The following CNGB3 variants were observed in gnomAD, a reference collection of about 807,000 sequenced individuals.
CNGB3 encodes cyclic nucleotide-gated channel beta-3.
In CNGB3, 86 loss-of-function variants were observed where a neutral mutation model predicts 92.8. That is an observed-to-expected ratio of 0.93 (90% confidence interval 0.78 to 1.11). The LOEUF (loss-of-function observed/expected upper bound fraction) is 1.11, where lower values mean the gene tolerates loss of function less well. CNGB3 is among the 50% of genes least tolerant of loss of function. The pLI, the probability that CNGB3 is intolerant of heterozygous loss-of-function variation, is 0.00. For synonymous variants in CNGB3, 333 were observed against 332.7 expected (o/e 1.00, Z -0.01); for missense variants, 1,026 against 956.8 (o/e 1.07, Z -0.95).
rs969393259 is a variant in CNGB3 at position 86,574,576 on chromosome 8, T to C, written c.*1228A>G. ...AAATGCATCTATGTTGTAGGCTTTT[T>C]GGCTAATATGATTTGTTAAAACCCT... On this transcript the variant is annotated 3_prime_UTR_variant, in exon 18 of 18. Transcript: ENST00000320005. 6.6e-6 allele frequency: 1 copy of C among 152,252 alleles called. No individual in the cohort carries two copies. The highest frequency in any genetic ancestry group is 2.4e-5 in the African/African-American group (1 of 41,470). 9.4% of individuals were successfully genotyped at this position (152,252 alleles called of 1,614,324 possible). A position where few individuals can be genotyped will look rare whatever the true frequency, so the allele number is the denominator to read the frequency against.
At chr8:86,717,291 G>C (rs558615133) in intron 3 of CNGB3, among the ~76,000 whole-genome samples, 1 of 152,184 alleles carries the variant, frequency 6.6e-6, no homozygotes, top group South Asian at 2.1e-4. Context: ...ACTGGGCGTG[G>C]TGGCTCAAGC....
intron 15 of CNGB3, among the ~76,000 whole-genome samples, chr8:86,591,740 C>G (rs993329025): frequency 2.6e-5 from 4 of 152,030 alleles, no homozygotes; most frequent in Non-Finnish European, 5.9e-5. Flanking sequence ...CTGCTCTCTT[C>G]AAAGCTGTCA....
chr8:86,602,102 G>C (rs2131557381), intron 15 of CNGB3, among the ~76,000 whole-genome samples: 1 of 152,290 alleles, frequency 6.6e-6, no homozygotes, highest in East Asian at 1.9e-4. Context: ...CAGTGTTTCA[G>C]ATTAAACTGT....
At chr8:86,690,136 A>G (rs910926537) in intron 3 of CNGB3, among the ~76,000 whole-genome samples, 1 of 152,228 alleles carries the variant, frequency 6.6e-6, no homozygotes, top group African/African-American at 2.4e-5. Flanking sequence ...AGGGATTGCC[A>G]CACTGACTTC....
chr8:86,658,436 C>T (rs564045032), intron 6 of CNGB3: 9 of 418,654 alleles, frequency 2.1e-5, no homozygotes, highest in African/African-American at 1.7e-4. Flanking sequence ...CTTCCAGGTG[C>T]TCCTGGGTCT....
chr8:86,670,796 C>T (rs767501599), intron 4 of CNGB3, 148 bp downstream of exon 4: 182 of 896,092 alleles, frequency 2.0e-4, no homozygotes, highest in Non-Finnish European at 3.0e-4. Context: ...TCTCACCACT[C>T]GTACCTTCCT....
chr8:86,579,008 A>G, intron 16 of CNGB3, 98 bp downstream of exon 16: 1 of 1,562,198 alleles, frequency 6.4e-7, no homozygotes, highest in African/African-American at 1.4e-5. Flanking sequence ...TCTCACTGTG[A>G]TCAAGTTTAT....
rs998548498 is a variant in CNGB3 at position 86,689,420 on chromosome 8, TTAACTC to T, written c.339-18328_339-18323del. ...ACTGTATTGGGGCCTATCTTTCTCTTTAACTCTAATAGTATTTGCTATATATATCTG... is the reference window on the plus strand; with the variant it reads ...ACTGTATTGGGGCCTATCTTTCTCTTTAATAGTATTTGCTATATATATCTG... On this transcript the variant is annotated intron_variant, in intron 3 of 17. Transcript: ENST00000320005. Among the ~76,000 whole-genome samples the T allele has an allele frequency of 5.3e-5, 8 of 151,898 alleles. No individual in the cohort carries two copies. The South Asian group carries it at 6.2e-4, about 12-fold the overall frequency.
intron 1 of CNGB3, among the ~76,000 whole-genome samples, chr8:86,741,669 A>C (rs1431675598): frequency 2.0e-5 from 3 of 152,048 alleles, no homozygotes; most frequent in African/African-American, 4.8e-5. Flanking sequence ...CTGTCTCAAA[A>C]AAAACAAAAA....
In CNGB3 at chr8:86,594,513, T is replaced by C. The variant is rs539461720; in HGVS notation, c.1781+9580A>G. Reference sequence around the variant, plus strand: ...GACACGTAGCTCTGGAAGCCAGCCTTGTCTTTGGCAGCCTCTTGGTCCACT... The same window carrying C: ...GACACGTAGCTCTGGAAGCCAGCCTCGTCTTTGGCAGCCTCTTGGTCCACT... On this transcript the variant is annotated intron_variant, in intron 15 of 17. Coordinates refer to ENST00000320005, the MANE Select transcript of CNGB3 (RefSeq NM_019098.5). 198 of 320,306 alleles carry C rather than the reference T, an allele frequency of 6.2e-4. No homozygotes were observed. In the Middle Eastern group the frequency reaches 0.013, roughly 21 times the overall value. 19.8% of individuals were successfully genotyped at this position (320,306 alleles called of 1,614,324 possible).
intron 3 of CNGB3, among the ~76,000 whole-genome samples, chr8:86,678,758 A>C (rs1378538634): frequency 6.6e-6 from 1 of 152,084 alleles, no homozygotes; most frequent in Non-Finnish European, 1.5e-5. Context: ...AAGTAACAAC[A>C]AAAAAAATTT....
chr8:86,738,007 T>C (rs988966688), intron 2 of CNGB3, among the ~76,000 whole-genome samples: 3 of 152,240 alleles, frequency 2.0e-5, no homozygotes, highest in African/African-American at 7.2e-5. Flanking sequence ...GATGAGACAT[T>C]TGGGCTAGTA....
chr8:86,583,016 A>AGTGAT (rs1821819759), intron 15 of CNGB3, among the ~76,000 whole-genome samples: 1 of 6,798 alleles, frequency 1.5e-4, no homozygotes, highest in Non-Finnish European at 3.2e-4. Context: ...GCTTACTGCA[A>AGTGAT]CCTCTGCTTC....
At chr8:86,644,543 A>G in intron 9 of CNGB3, 79 bp downstream of exon 9, 6 of 1,557,026 alleles carry the variant, frequency 3.9e-6, no homozygotes, top group Non-Finnish European at 4.4e-6. Context: ...GAGGGGGGTC[A>G]TATCCCTGCC....
chr8:86,578,902 T>C (rs370054316), intron 16 of CNGB3, 39 bp from the exon 17 acceptor site: 182 of 1,612,844 alleles, frequency 1.1e-4, no homozygotes, highest in Non-Finnish European at 1.5e-4. Flanking sequence ...GGTAACTCTG[T>C]GAGAGTTCTG....
At chr8:86,596,753 A>G (rs1007396337) in intron 15 of CNGB3, among the ~76,000 whole-genome samples, 2 of 152,222 alleles carry the variant, frequency 1.3e-5, no homozygotes, top group Non-Finnish European at 2.9e-5. Flanking sequence ...TCTGTTCACA[A>G]TAGCAAAGAC....
chr8:86,689,737 G>A (rs189623941), intron 3 of CNGB3, among the ~76,000 whole-genome samples: 1,719 of 151,534 alleles, frequency 0.011, 32 homozygotes, highest in African/African-American at 0.038. Flanking sequence ...ACAGGCCCTG[G>A]TGTGTGATGT....
In CNGB3 at chr8:86,629,029, G is replaced by T. The variant is rs749705666; in HGVS notation, c.1370C>A (p.Ala457Asp). 1.6e-5 allele frequency: 26 copies of T among 1,613,894 alleles called. No homozygotes were observed. In the Admixed American group the frequency reaches 4.3e-4, roughly 27 times the overall value. Reference sequence around the variant, plus strand: ...GTAGGCAATGGTGTCATCCATGCAGGCGCGGAAGTAGTTCTGATTGGCTGT... The same window carrying T: ...GTAGGCAATGGTGTCATCCATGCAGTCGCGGAAGTAGTTCTGATTGGCTGT... ...AATANQNYFR[A>D]CMDDTIAYMN... Residue 457 changes from alanine to aspartate, a missense_variant, in exon 12 of 18, where the codon GCC becomes GAC. Physicochemically the swap from Ala to Asp is moderately radical, Grantham distance 126. Transcript: ENST00000320005.
rs1822902648 is a variant in CNGB3 at position 86,628,909 on chromosome 8, C to A, written c.1480+10G>T. 6.2e-7 allele frequency: 1 copy of A among 1,613,090 alleles called. No individual in the cohort carries two copies. Among genetic ancestry groups the A allele is most frequent in the African/African-American group, 1.3e-5 (1 of 74,878 alleles). ...TTACAGGAATTTAATCGGTAATCTGCCATGCTTACCTAGCATTCTTTGAGA... is the reference window on the plus strand; with the variant it reads ...TTACAGGAATTTAATCGGTAATCTGACATGCTTACCTAGCATTCTTTGAGA... On this transcript the variant is annotated intron_variant, in intron 12 of 17. Coordinates refer to ENST00000320005, the MANE Select transcript of CNGB3 (RefSeq NM_019098.5).
Sources: allele counts gnomAD v4.1 joint callset (sites outside exome capture counted in the v4.1 genomes callset), GRCh38; gene constraint gnomAD v4.1.1; transcripts MANE v1.5; gene names NCBI Gene and HGNC (gene_info 2026-07-23, HGNC 2026-07-21).